BAIAP2: variants seen among roughly 807,000 people sequenced by gnomAD.
BAIAP2 encodes the protein BAR/IMD domain-containing adapter protein 2.
A neutral mutation model predicts 63.0 loss-of-function variants in BAIAP2; 18 were observed. The observed-to-expected ratio is 0.29, with a 90% CI of 0.20 to 0.42. The LOEUF (loss-of-function observed/expected upper bound fraction) is 0.42, where lower values mean the gene tolerates loss of function less well. BAIAP2 is among the 10% of genes least tolerant of loss of function. The probability of loss-of-function intolerance (pLI) is 1.00; values close to 1 mark genes in which losing one functional copy is unlikely to be tolerated. For synonymous variants in BAIAP2, 386 were observed against 307.6 expected, an observed-to-expected ratio of 1.25 and a Z score of -2.67; for missense variants, 610 against 734.3, an observed-to-expected ratio of 0.83 and a Z score of 1.96.
In BAIAP2 at chr17:81,112,278, C is replaced by T. The variant is rs1267131911; in HGVS notation, c.1536-3492C>T. On this transcript the variant is annotated intron_variant, in intron 13 of 13. Coordinates refer to ENST00000428708, the MANE Select transcript of BAIAP2 (RefSeq NM_001144888.2). ...ACAGCCTCTGTCAGGGACCACGTCC[C>T]TTGGAGGGCAGAGACCCTGGGTAGC... Among the ~76,000 whole-genome samples, 8 of 152,232 alleles carry T rather than the reference C, an allele frequency of 5.3e-5. 1 individual carries two copies. The East Asian group carries it at 1.5e-3, about 29-fold the overall frequency.
chr17:81,040,379 C>T (rs530515480), intron 1 of BAIAP2, among the ~76,000 whole-genome samples: 4 of 152,374 alleles, frequency 2.6e-5, no homozygotes, highest in East Asian at 1.9e-4. Flanking sequence ...GTGCTGGCAC[C>T]GGCCTCCAAC....
chr17:81,063,114 A>AG (rs1219588582), intron 3 of BAIAP2, among the ~76,000 whole-genome samples: 2 of 151,822 alleles, frequency 1.3e-5, no homozygotes, highest in African/African-American at 4.8e-5. Context: ...GGTTAAGAGG[A>AG]GGGGTGAAGG....
Position 81,106,125 on chromosome 17 carries a change from G to T in BAIAP2, c.1316G>T (p.Gly439Val). The change falls in exon 11 of 14, where the codon GGC becomes GTC. Residue 439 changes from glycine (G) to valine (V), a missense_variant. Gly to Val is a moderately radical substitution (Grantham distance 109). Transcript: ENST00000428708. ...FSYTRVLDSD[G>V]SDRLHMSLQQ... ...TACACCCGGGTCTTGGACAGCGATG[G>T]CAGTGACAGGCTGCACATGAGGTGA... 3 of 1,583,860 alleles carry T rather than the reference G, an allele frequency of 1.9e-6. No homozygotes were observed. The highest frequency in any genetic ancestry group is 2.6e-6 in the Non-Finnish European group (3 of 1,164,758).
At chr17:81,043,278 C>T (rs1442440804) in intron 1 of BAIAP2, among the ~76,000 whole-genome samples, 5 of 152,202 alleles carry the variant, frequency 3.3e-5, no homozygotes, top group African/African-American at 1.2e-4. Context: ...CTTCCGTGGC[C>T]GACTATGTCT....
chr17:81,074,770 A>G (rs932768387), intron 3 of BAIAP2, among the ~76,000 whole-genome samples: 2 of 151,792 alleles, frequency 1.3e-5, no homozygotes, highest in Admixed American at 1.3e-4. Context: ...GCACGGATGC[A>G]TAAGTGCCTG....
At chr17:81,100,860 T>A (rs1323577703) in intron 7 of BAIAP2, among the ~76,000 whole-genome samples, 1 of 152,090 alleles carries the variant, frequency 6.6e-6, no homozygotes, top group Non-Finnish European at 1.5e-5. Context: ...GCTCCCAGGC[T>A]CTTGGTGACC....
At chr17:81,039,100 C>T (rs993318990) in intron 1 of BAIAP2, among the ~76,000 whole-genome samples, 1 of 152,264 alleles carries the variant, frequency 6.6e-6, no homozygotes. Context: ...CTGAGTAGAC[C>T]TGGCCTGCAT....
Position 81,058,010 on chromosome 17 carries a change from C to T in BAIAP2, c.217+43C>T, listed in dbSNP as rs773880008. The T allele has an allele frequency of 8.6e-6, 12 of 1,395,480 alleles. No individual in the cohort carries two copies. The African/African-American group carries it at 1.6e-4, about 19-fold the overall frequency. 86.4% of individuals were successfully genotyped at this position (1,395,480 alleles called of 1,614,324 possible). ...CCCCCGCCTGGTAGTCGCCTGATGC[C>T]CTCAGGCAGCTCTGGGGCCCTGTCC... On this transcript the variant is annotated intron_variant, in intron 3 of 13. Coordinates refer to ENST00000428708, the MANE Select transcript of BAIAP2 (RefSeq NM_001144888.2).
intron 1 of BAIAP2, among the ~76,000 whole-genome samples, chr17:81,053,049 AC>A (rs1362233927): frequency 6.6e-6 from 1 of 152,178 alleles, no homozygotes; most frequent in Non-Finnish European, 1.5e-5. Flanking sequence ...TGTAATTAAA[AC>A]ATTTATTTGG....
At chr17:81,043,041 AT>A in intron 1 of BAIAP2, among the ~76,000 whole-genome samples, 1 of 152,024 alleles carries the variant, frequency 6.6e-6, no homozygotes, top group South Asian at 2.1e-4. Flanking sequence ...TAATTTTAGT[AT>A]TTTTAGTAGA....
rs1033047505 is a variant in BAIAP2, at chr17:81,104,500, C to G, written c.1067-14C>G. On this transcript the variant is annotated splice_polypyrimidine_tract_variant and intron_variant, in intron 9 of 13. Coordinates refer to ENST00000428708, the MANE Select transcript of BAIAP2 (RefSeq NM_001144888.2). ...GCCAGGGGCAGTCCCCTTACCTGTC[C>G]CTTGTCCCAGCAGCCGAGAACAAGA... 1 of 1,581,138 alleles carries G rather than the reference C, an allele frequency of 6.3e-7. No homozygotes were observed. Among genetic ancestry groups the G allele is most frequent in the Non-Finnish European group, 8.6e-7 (1 of 1,159,534 alleles).
At chr17:81,048,165 G>A (rs1461168860) in intron 1 of BAIAP2, among the ~76,000 whole-genome samples, 2 of 152,064 alleles carry the variant, frequency 1.3e-5, no homozygotes, top group East Asian at 1.9e-4. Flanking sequence ...CGGGCGGATC[G>A]CTTGAGGTCG....
intron 2 of BAIAP2, among the ~76,000 whole-genome samples, chr17:81,054,446 G>A (rs569022091): frequency 3.3e-5 from 5 of 152,264 alleles, no homozygotes; most frequent in South Asian, 2.1e-4. Flanking sequence ...GCTGGACAGC[G>A]GCTCTGAGTG....
intron 3 of BAIAP2, among the ~76,000 whole-genome samples, chr17:81,074,073 G>A (rs780846274): frequency 6.6e-6 from 1 of 152,238 alleles, no homozygotes; most frequent in Non-Finnish European, 1.5e-5. Flanking sequence ...CAATGGCATC[G>A]TCGGGCCATT....
At chr17:81,039,275 T>C (rs1598475142) in intron 1 of BAIAP2, among the ~76,000 whole-genome samples, 2 of 152,256 alleles carry the variant, frequency 1.3e-5, no homozygotes, top group Non-Finnish European at 1.5e-5. Flanking sequence ...CCAGCCTGTG[T>C]GGGCTTTGGC....
intron 3 of BAIAP2, among the ~76,000 whole-genome samples, chr17:81,067,550 G>A (rs762935008): frequency 1.1e-4 from 16 of 149,372 alleles, no homozygotes; most frequent in Non-Finnish European, 2.2e-4. Flanking sequence ...AGCCGCGGCA[G>A]CCAAGTGTGG....
At chr17:81,107,509 G>GGTGT (rs1393149293) in intron 12 of BAIAP2, 1 of 152,648 alleles carries the variant, frequency 6.6e-6, no homozygotes, top group Admixed American at 6.5e-5. Flanking sequence ...GCTGGGGCAG[G>GGTGT]GTGTGAGCGT....
At chr17:81,052,275 C>T (rs755596338) in intron 1 of BAIAP2, among the ~76,000 whole-genome samples, 10 of 152,248 alleles carry the variant, frequency 6.6e-5, no homozygotes, top group South Asian at 2.1e-4. Flanking sequence ...CCCACTTCTG[C>T]GGAAGCGCTG....
intron 6 of BAIAP2, among the ~76,000 whole-genome samples, chr17:81,092,763 C>T (rs1464414864): frequency 6.6e-6 from 1 of 152,152 alleles, no homozygotes; most frequent in Non-Finnish European, 1.5e-5. Context: ...TTTGCTGGGC[C>T]AGGTGCTGAC....
Sources: gnomAD v4.1 joint callset for allele counts (sites outside exome capture counted in the v4.1 genomes callset) on GRCh38, gnomAD v4.1.1 for gene constraint, MANE v1.5 for transcripts, NCBI Gene and HGNC (gene_info 2026-07-23, HGNC 2026-07-21) for gene names.